EPHB1: variants seen among roughly 807,000 people sequenced by gnomAD.
EPHB1 encodes the protein EPH receptor B1, also known as ephrin type-B receptor 1.
In EPHB1, 30 loss-of-function variants were observed where a neutral mutation model predicts 94.4. The observed-to-expected ratio is 0.32, with a 90% confidence interval of 0.24 to 0.43. The LOEUF (loss-of-function observed/expected upper bound fraction) is 0.43, where lower values mean the gene tolerates loss of function less well. Among genes scored for constraint, EPHB1 ranks in the 20% least tolerant of loss-of-function variants. The pLI is 1.00. For missense variants in EPHB1, 1,055 were observed against 1,308.3 expected, an observed-to-expected ratio of 0.81 and a Z score of 2.99; for synonymous variants, 522 against 489.1, an observed-to-expected ratio of 1.07 and a Z score of -0.89.
intron 3 of EPHB1, among the ~76,000 whole-genome samples, chr3:135,097,534 A>G (rs190711069): frequency 6.6e-6 from 1 of 152,214 alleles, no homozygotes; most frequent in East Asian, 1.9e-4. Context: ...ATCAAGGAAA[A>G]GCACCCCCAC....
intron 1 of EPHB1, among the ~76,000 whole-genome samples, chr3:134,873,231 G>T (rs1467588874): frequency 6.6e-6 from 1 of 152,188 alleles, no homozygotes. Context: ...AGAGTGAGTA[G>T]GGGCAGGCAG....
chr3:135,155,787 C>CAA (rs35095229), intron 6 of EPHB1, among the ~76,000 whole-genome samples: 1,893 of 58,776 alleles, frequency 0.032, 144 homozygotes, highest in African/African-American at 0.091. Context: ...AAGACTTTGT[C>CAA]AAAAAAAAAA....
intron 3 of EPHB1, among the ~76,000 whole-genome samples, chr3:134,952,867 A>T (rs1238661964): frequency 2.0e-5 from 3 of 152,198 alleles, no homozygotes; most frequent in Non-Finnish European, 2.9e-5. Context: ...GAATAGAAGG[A>T]TCTGGAGGCC....
intron 3 of EPHB1, among the ~76,000 whole-genome samples, chr3:134,981,559 A>G (rs1934403225): frequency 6.6e-6 from 1 of 152,232 alleles, no homozygotes; most frequent in Non-Finnish European, 1.5e-5. Flanking sequence ...CATATACTGG[A>G]ACACAGCTAG....
intron 3 of EPHB1, chr3:134,978,086 C>A: frequency 2.4e-6 from 1 of 423,814 alleles, no homozygotes; most frequent in Non-Finnish European, 4.6e-6. Context: ...AGGTGACTTG[C>A]TTGTGGAGCC....
intron 3 of EPHB1, among the ~76,000 whole-genome samples, chr3:134,964,451 G>A (rs947608812): frequency 6.4e-4 from 98 of 152,246 alleles, no homozygotes; most frequent in African/African-American, 2.2e-3. Context: ...CATAAGGTCA[G>A]TGCAACGTGT....
At chr3:135,003,833 T>A (rs1386412748) in intron 3 of EPHB1, among the ~76,000 whole-genome samples, 1 of 152,066 alleles carries the variant, frequency 6.6e-6, no homozygotes, top group Non-Finnish European at 1.5e-5. Flanking sequence ...TCCATCCTTT[T>A]ATTTTGAGCC....
chr3:134,965,639 T>C (rs1333871578), intron 3 of EPHB1, among the ~76,000 whole-genome samples: 1 of 152,208 alleles, frequency 6.6e-6, no homozygotes, highest in African/African-American at 2.4e-5. Context: ...AGATTGATTT[T>C]TTCAGTCATT....
intron 1 of EPHB1, among the ~76,000 whole-genome samples, chr3:134,817,401 G>A (rs2036291726): frequency 6.6e-6 from 1 of 152,226 alleles, no homozygotes; most frequent in Non-Finnish European, 1.5e-5. Context: ...CTTCTGGCCA[G>A]CGTGGCAGAG....
At chr3:134,894,771 G>C (rs146190367) in intron 1 of EPHB1, among the ~76,000 whole-genome samples, 1 of 152,182 alleles carries the variant, frequency 6.6e-6, no homozygotes, top group African/African-American at 2.4e-5. Flanking sequence ...TTTTCTCTGC[G>C]TCCTCCTCGT....
At chr3:135,177,589 A>G (rs1168833054) in intron 9 of EPHB1, among the ~76,000 whole-genome samples, 5 of 152,202 alleles carry the variant, frequency 3.3e-5, no homozygotes, top group Non-Finnish European at 7.3e-5. Flanking sequence ...GGCCTGCTCA[A>G]TGACCCACAG....
intron 1 of EPHB1, among the ~76,000 whole-genome samples, chr3:134,808,738 T>C (rs967499890): frequency 1.3e-5 from 2 of 152,174 alleles, no homozygotes; most frequent in African/African-American, 4.8e-5. Flanking sequence ...AATAGGTTCT[T>C]TCTTGATGGG....
chr3:135,062,594 T>C (rs538718338), intron 3 of EPHB1, among the ~76,000 whole-genome samples: 1 of 152,356 alleles, frequency 6.6e-6, no homozygotes, highest in Admixed American at 6.5e-5. Flanking sequence ...TAGTCCTTTG[T>C]CAGATGTATA....
intron 7 of EPHB1, among the ~76,000 whole-genome samples, chr3:135,163,726 G>T (rs916125619): frequency 6.6e-6 from 1 of 152,312 alleles, no homozygotes; most frequent in Middle Eastern, 3.4e-3. Context: ...TCCCAAGAAG[G>T]CTGTTTCTTT....
At chr3:135,067,558 C>G (rs1224455023) in intron 3 of EPHB1, 4 of 152,234 alleles carry the variant, frequency 2.6e-5, no homozygotes, top group Non-Finnish European at 5.9e-5. Context: ...TCTAACAGCA[C>G]GGAGTCAGTT....
chr3:135,251,616 A>AGAT (rs2107732886), intron 15 of EPHB1, among the ~76,000 whole-genome samples: 1 of 152,364 alleles, frequency 6.6e-6, no homozygotes, highest in Admixed American at 6.5e-5. Context: ...TTAATAAAAT[A>AGAT]GATTGTGGGA....
chr3:134,893,891 A>G (rs918107744), intron 1 of EPHB1, among the ~76,000 whole-genome samples: 1 of 152,242 alleles, frequency 6.6e-6, no homozygotes, highest in Non-Finnish European at 1.5e-5. Flanking sequence ...AGTGCCTCAC[A>G]GAGCAGGTGC....
intron 4 of EPHB1, among the ~76,000 whole-genome samples, chr3:135,110,586 T>A (rs755683117): frequency 3.3e-5 from 5 of 152,168 alleles, no homozygotes; most frequent in Non-Finnish European, 7.3e-5. Context: ...TACGAGGTTG[T>A]GAGAATTAAA....
intron 3 of EPHB1, among the ~76,000 whole-genome samples, chr3:135,087,826 T>A (rs1266250086): frequency 6.6e-6 from 1 of 152,158 alleles, no homozygotes; most frequent in Non-Finnish European, 1.5e-5. Flanking sequence ...AAGGGTCCTG[T>A]GGAAAAAGCA....
Sources: gnomAD v4.1 joint callset for allele counts (sites outside exome capture counted in the v4.1 genomes callset) on GRCh38, gnomAD v4.1.1 for gene constraint, MANE v1.5 for transcripts, NCBI Gene and HGNC (gene_info 2026-07-23, HGNC 2026-07-21) for gene names.